The following ZNF674 variants were observed in gnomAD, a reference collection of about 807,000 sequenced individuals.
ZNF674 encodes the protein zinc finger protein 674.
A neutral mutation model predicts 7.0 loss-of-function variants in ZNF674; 2 were observed. The observed-to-expected ratio is 0.29, with a 90% CI of 0.12 to 0.90. The LOEUF (loss-of-function observed/expected upper bound fraction) is 0.90. Ranked by LOEUF, ZNF674 falls within the 40% of genes least tolerant of loss-of-function variation. ZNF674 has a pLI of 0.57. For synonymous variants in ZNF674, 103 were observed against 145.2 expected (o/e 0.71, Z 2.09); for missense variants, 297 against 415.5 (o/e 0.71, Z 2.48).
chrX:46,529,009 T>G, intron 3 of ZNF674, 100 bp from the exon 4 acceptor site: 3 of 1,191,714 alleles, frequency 2.5e-6, no homozygotes, highest in Non-Finnish European at 3.4e-6. Flanking sequence ...CCCTTTGAGG[T>G]CCTTTACATG....
intron 3 of ZNF674, among the ~76,000 whole-genome samples, chrX:46,532,128 ACTGCACTC>A (rs1441628076): frequency 8.9e-6 from 1 of 112,097 alleles, no homozygotes. Context: ...AGATCACGCC[ACTGCACTC>A]CAGCCTGGGC....
At chrX:46,543,501 A>G (rs1339745543) in intron 2 of ZNF674, among the ~76,000 whole-genome samples, 1 of 111,407 alleles carries the variant, frequency 9.0e-6, no homozygotes, top group Non-Finnish European at 1.9e-5. Context: ...GCCGCAGGGA[A>G]GGAGAGGTGT....
chrX:46,517,310 G>GA (rs934542236), intron 5 of ZNF674, among the ~76,000 whole-genome samples: 8 of 105,793 alleles, frequency 7.6e-5, no homozygotes, highest in East Asian at 5.9e-4. Flanking sequence ...AAAATGATTG[G>GA]AAAAAAAAAC....
chrX:46,534,924 A>G (rs910121472), intron 3 of ZNF674, among the ~76,000 whole-genome samples: 1 of 109,528 alleles, frequency 9.1e-6, no homozygotes, highest in Non-Finnish European at 1.9e-5. Flanking sequence ...TATTTTTAGT[A>G]GAGACGGTGT....
intron 5 of ZNF674, chrX:46,518,018 AAAG>A (rs746815895): frequency 2.1e-3 from 237 of 111,368 alleles, no homozygotes; most frequent in African/African-American, 7.3e-3. Flanking sequence ...ATTAAAAAAA[AAAG>A]AAGACGAAAT....
At chrX:46,507,754 C>G (rs984058855) in intron 5 of ZNF674, among the ~76,000 whole-genome samples, 2 of 111,827 alleles carry the variant, frequency 1.8e-5, no homozygotes, top group African/African-American at 6.5e-5. Flanking sequence ...GGGTGGGTGA[C>G]AGGAGCAGCG....
intron 5 of ZNF674, among the ~76,000 whole-genome samples, chrX:46,521,670 C>A (rs189011870): frequency 9.3e-4 from 102 of 110,121 alleles, no homozygotes; most frequent in Non-Finnish European, 1.6e-3. Flanking sequence ...AGGTGGATCA[C>A]CTGAGGCCAG....
intron 3 of ZNF674, among the ~76,000 whole-genome samples, chrX:46,541,233 T>A (rs1942289880): frequency 9.3e-6 from 1 of 107,965 alleles, no homozygotes; most frequent in African/African-American, 3.4e-5. Context: ...TGGTGGCACA[T>A]GCCTGTAATC....
intron 3 of ZNF674, among the ~76,000 whole-genome samples, chrX:46,532,420 T>C (rs1159396256): frequency 8.9e-6 from 1 of 112,064 alleles, no homozygotes. Flanking sequence ...GTTTAAAACA[T>C]GAGCAATTCA....
chrX:46,529,185 C>T, intron 3 of ZNF674: 1 of 398,611 alleles, frequency 2.5e-6, no homozygotes, highest in Non-Finnish European at 4.4e-6. Flanking sequence ...CTTTATATAA[C>T]TGTTCTTATG....
At chrX:46,544,137 G>A (rs1208708696) in intron 2 of ZNF674, among the ~76,000 whole-genome samples, 1 of 112,814 alleles carries the variant, frequency 8.9e-6, no homozygotes, top group Non-Finnish European at 1.9e-5. Flanking sequence ...CCCCCATGGG[G>A]GACATCCATG....
intron 5 of ZNF674, among the ~76,000 whole-genome samples, chrX:46,501,660 A>ATG (rs1183107545): frequency 4.2e-5 from 4 of 95,539 alleles, no homozygotes; most frequent in Non-Finnish European, 8.7e-5. Flanking sequence ...AATTGTATAT[A>ATG]TATGTGTGTG....
intron 1 of ZNF674, among the ~76,000 whole-genome samples, chrX:46,544,900 G>T (rs775960704): frequency 9.0e-6 from 1 of 111,483 alleles, no homozygotes; most frequent in East Asian, 2.8e-4. Context: ...ATCCATCAGT[G>T]AACAAAATCT....
Position 46,500,253 on chromosome X carries a change from ATCT to A in ZNF674, c.1318_1320del (p.Arg440del). ...GACTTCTCCCCAAAGGCTTTCCCAC[ATCT>A]TCTGCATTCATAAGGTTTCTCTCCT... is the stretch of plus-strand genomic sequence containing the variant. On this transcript the variant is annotated inframe_deletion, in exon 6 of 6. Transcript: ENST00000683375. The A allele has an allele frequency of 8.3e-7, 1 of 1,211,266 alleles. No homozygotes were observed. Among genetic ancestry groups the A allele is most frequent in the Non-Finnish European group, 1.1e-6 (1 of 895,163 alleles).
intron 5 of ZNF674, among the ~76,000 whole-genome samples, chrX:46,518,461 C>T (rs1435683844): frequency 9.0e-6 from 1 of 110,798 alleles, no homozygotes; most frequent in Non-Finnish European, 1.9e-5. Context: ...TAAAAAATAA[C>T]AACCAGGCAT....
intron 5 of ZNF674, among the ~76,000 whole-genome samples, chrX:46,505,872 C>G (rs751453482): frequency 9.7e-4 from 109 of 111,846 alleles, no homozygotes; most frequent in Middle Eastern, 4.6e-3. Flanking sequence ...TCTTCCTGCT[C>G]TCCCACTGGC....
chrX:46,516,208 C>A (rs1335560745), intron 5 of ZNF674, among the ~76,000 whole-genome samples: 1 of 111,970 alleles, frequency 8.9e-6, no homozygotes, highest in East Asian at 2.8e-4. Flanking sequence ...ATTATTGCAA[C>A]AAAAATCTCT....
chrX:46,507,286 T>C (rs1361998301), intron 5 of ZNF674, among the ~76,000 whole-genome samples: 1 of 111,455 alleles, frequency 9.0e-6, no homozygotes, highest in African/African-American at 3.3e-5. Context: ...CAGGAGTTTG[T>C]AGCTGCAGGC....
chrX:46,512,303 G>A (rs1219308975), intron 5 of ZNF674, among the ~76,000 whole-genome samples: 4 of 100,585 alleles, frequency 4.0e-5, no homozygotes, highest in East Asian at 3.3e-4. Context: ...TGGCAGTTGC[G>A]GTGAGCCGAG....
Sources: gnomAD v4.1 joint callset for allele counts (sites outside exome capture counted in the v4.1 genomes callset) on GRCh38, gnomAD v4.1.1 for gene constraint, MANE v1.5 for transcripts, NCBI Gene and HGNC (gene_info 2026-07-23, HGNC 2026-07-21) for gene names.